Variants in AGMO observed in about 807,000 individuals in gnomAD.
The protein encoded by AGMO is alkylglycerol monooxygenase, also known as glyceryl-ether monooxygenase.
In AGMO, 75 loss-of-function variants were observed where a neutral mutation model predicts 60.2. That is an observed-to-expected ratio of 1.25 (90% CI 1.03 to 1.51). The LOEUF (loss-of-function observed/expected upper bound fraction) is 1.51, where lower values mean the gene tolerates loss of function less well. Among genes scored for constraint, AGMO ranks in the 40% most tolerant of loss-of-function variants. The pLI, the probability that AGMO is intolerant of heterozygous loss-of-function variation, is 0.00. For synonymous variants in AGMO, 261 were observed against 177.1 expected (o/e 1.47, Z -3.76); for missense variants, 763 against 525.5 (o/e 1.45, Z -4.42).
intron 8 of AGMO, 99 bp from the exon 9 acceptor site, chr7:15,387,639 C>T (rs569432475): frequency 1.7e-5 from 18 of 1,088,320 alleles, no homozygotes; most frequent in African/African-American, 1.4e-4. Context: ...AGGTAATTTA[C>T]GTATTTAAAA....
chr7:15,199,719 ATTG>A (rs1175174328), downstream of AGMO, among the ~76,000 whole-genome samples: 3 of 152,296 alleles, frequency 2.0e-5, no homozygotes, highest in East Asian at 1.9e-4. Context: ...TTCTGTGAAA[ATTG>A]TTGTTAAGGG....
chr7:15,336,614 T>C lies in AGMO; in HGVS notation c.1263+28900A>G, dbSNP rs1363048609. 2.6e-5 allele frequency among the ~76,000 whole-genome samples: 4 copies of C among 152,092 alleles called. No homozygotes were observed. The South Asian group carries it at 6.2e-4, about 24-fold the overall frequency. On this transcript the variant is annotated intron_variant, in intron 12 of 12. Transcript: ENST00000342526. ...TCATTTAAATGTGTGCCACCGAATATATTAATCACATTCTTTAGATTGTAG... is the reference window on the plus strand; with the variant it reads ...TCATTTAAATGTGTGCCACCGAATACATTAATCACATTCTTTAGATTGTAG...
chr7:15,389,793 A>G (rs942338373), intron 8 of AGMO, among the ~76,000 whole-genome samples: 1 of 152,214 alleles, frequency 6.6e-6, no homozygotes, highest in Non-Finnish European at 1.5e-5. Flanking sequence ...CCACTACTTT[A>G]TAAGGTTTTA....
chr7:15,510,967 T>A (rs1210840750), intron 3 of AGMO, among the ~76,000 whole-genome samples: 2 of 150,988 alleles, frequency 1.3e-5, no homozygotes, highest in African/African-American at 4.9e-5. Flanking sequence ...TTCCTATGGC[T>A]TATTTCTGGT....
At chr7:15,419,391 C>A (rs564279760) in intron 4 of AGMO, among the ~76,000 whole-genome samples, 4 of 151,902 alleles carry the variant, frequency 2.6e-5, no homozygotes, top group Non-Finnish European at 4.4e-5. Flanking sequence ...TGGAAAGAAA[C>A]ATTTTATTAA....
chr7:15,550,075 A>G (rs1365043874), intron 2 of AGMO, among the ~76,000 whole-genome samples: 1 of 152,192 alleles, frequency 6.6e-6, no homozygotes, highest in African/African-American at 2.4e-5. Flanking sequence ...TACTGGATAC[A>G]TAACGAAATG....
intron 10 of AGMO, among the ~76,000 whole-genome samples, chr7:15,375,305 T>C (rs1783405307): frequency 6.6e-6 from 1 of 151,994 alleles, no homozygotes; most frequent in Non-Finnish European, 1.5e-5. Flanking sequence ...CTAAATACCT[T>C]TTCATTATTT....
chr7:15,280,329 T>A (rs977615143), intron 12 of AGMO, among the ~76,000 whole-genome samples: 1 of 152,080 alleles, frequency 6.6e-6, no homozygotes, highest in Non-Finnish European at 1.5e-5. Flanking sequence ...GCCTGCTTAC[T>A]CCCCACTCCC....
chr7:15,164,221 C>T, the AGMO span, among the ~76,000 whole-genome samples: 1 of 151,986 alleles, frequency 6.6e-6, no homozygotes, highest in African/African-American at 2.4e-5. Flanking sequence ...ACCCCTATCT[C>T]TCACCATATA....
At chr7:15,372,447 C>G (rs924597502) in intron 10 of AGMO, among the ~76,000 whole-genome samples, 5 of 151,986 alleles carry the variant, frequency 3.3e-5, no homozygotes, top group African/African-American at 1.2e-4. Context: ...CACAGCGAGA[C>G]TCTGTCTCAA....
chr7:15,123,289 A>G, the AGMO span, among the ~76,000 whole-genome samples: 4 of 152,190 alleles, frequency 2.6e-5, no homozygotes, highest in Non-Finnish European at 4.4e-5. Context: ...TTATCTACAG[A>G]ACTTCCAACA....
At chr7:15,253,637 A>T (rs12112753) in intron 12 of AGMO, among the ~76,000 whole-genome samples, 13,988 of 152,178 alleles carry the variant, frequency 0.092, 2,110 homozygotes, top group African/African-American at 0.32. Context: ...CATGGTATAA[A>T]GATCAAGTCA....
At chr7:15,494,666 A>T (rs983483345) in intron 3 of AGMO, among the ~76,000 whole-genome samples, 18 of 152,228 alleles carry the variant, frequency 1.2e-4, no homozygotes, top group Admixed American at 7.9e-4. Context: ...TTTGATAGTT[A>T]TGTCAATAAA....
intron 3 of AGMO, among the ~76,000 whole-genome samples, chr7:15,531,427 T>A (rs1444264910): frequency 4.0e-5 from 2 of 49,714 alleles, no homozygotes; most frequent in African/African-American, 1.1e-4. Flanking sequence ...CTATATATAT[T>A]CTATATATAT....
At chr7:15,142,889 C>T in the AGMO span, among the ~76,000 whole-genome samples, 1 of 152,130 alleles carries the variant, frequency 6.6e-6, no homozygotes, top group African/African-American at 2.4e-5. Flanking sequence ...CAGTTGTTAT[C>T]GCATTTAATC....
intron 3 of AGMO, among the ~76,000 whole-genome samples, chr7:15,513,430 T>C (rs1783730383): frequency 6.6e-6 from 1 of 152,216 alleles, no homozygotes; most frequent in Non-Finnish European, 1.5e-5. Context: ...TTCCCCAGAA[T>C]CAAGACAATA....
chr7:15,306,995 T>A (rs1780634647), intron 12 of AGMO, among the ~76,000 whole-genome samples: 1 of 102,856 alleles, frequency 9.7e-6, no homozygotes. Flanking sequence ...TAGAAAGTTG[T>A]ACAAAGATCT....
At chr7:15,455,966 T>G (rs1477369165) in intron 3 of AGMO, among the ~76,000 whole-genome samples, 1 of 152,130 alleles carries the variant, frequency 6.6e-6, no homozygotes, top group Non-Finnish European at 1.5e-5. Context: ...GAAATTTTCT[T>G]AATGCATTTT....
At chr7:15,419,795 A>G (rs968337117) in intron 4 of AGMO, among the ~76,000 whole-genome samples, 8 of 151,990 alleles carry the variant, frequency 5.3e-5, no homozygotes, top group African/African-American at 1.9e-4. Flanking sequence ...TCTCTCTGTG[A>G]TACTCCCTAA....
Sources: allele counts gnomAD v4.1 joint callset (sites outside exome capture counted in the v4.1 genomes callset), GRCh38; gene constraint gnomAD v4.1.1; transcripts MANE v1.5; gene names NCBI Gene and HGNC (gene_info 2026-07-23, HGNC 2026-07-21).